TANGO6: variants seen among roughly 807,000 people sequenced by gnomAD.
TANGO6 encodes transport and Golgi organization protein 6 homolog.
In TANGO6, 90 loss-of-function variants were observed where a neutral mutation model predicts 114.2. The observed-to-expected ratio is 0.79, with a 90% CI of 0.66 to 0.94. TANGO6 has a LOEUF of 0.94. Among genes scored for constraint, TANGO6 ranks in the 40% least tolerant of loss-of-function variants. The pLI is 0.00. For synonymous variants in TANGO6, 477 were observed against 509.8 expected (o/e 0.94, Z 0.87); for missense variants, 1,274 against 1,315.3 (o/e 0.97, Z 0.49).
intron 7 of TANGO6, 181 bp from the exon 8 acceptor site, chr16:68,900,253 C>A: frequency 3.4e-6 from 2 of 588,830 alleles, no homozygotes; most frequent in Non-Finnish European, 3.0e-6. Flanking sequence ...CTTGTTTCAG[C>A]CTGTCTGCCA....
intron 9 of TANGO6, among the ~76,000 whole-genome samples, chr16:68,903,868 G>A (rs1286966840): frequency 6.6e-6 from 1 of 151,674 alleles, no homozygotes; most frequent in Non-Finnish European, 1.5e-5. Context: ...GTTGCAGTAA[G>A]CCAAGATTGC....
chr16:69,027,151 C>T (rs912013000), intron 16 of TANGO6, among the ~76,000 whole-genome samples: 4 of 152,286 alleles, frequency 2.6e-5, no homozygotes, highest in East Asian at 1.9e-4. Flanking sequence ...CATGAGCCAC[C>T]GCGCCCGGGC....
intron 15 of TANGO6, among the ~76,000 whole-genome samples, chr16:68,987,029 A>G (rs376260757): frequency 1.3e-5 from 2 of 152,220 alleles, no homozygotes; most frequent in African/African-American, 4.8e-5. Flanking sequence ...GTGAGTTCCA[A>G]TTGGCTTCAC....
chr16:69,035,369 A>G (rs1476367807), intron 16 of TANGO6: 1 of 152,246 alleles, frequency 6.6e-6, no homozygotes, highest in Admixed American at 6.5e-5. Context: ...TAGCAAACCA[A>G]CTGAATTTTA....
intron 14 of TANGO6, among the ~76,000 whole-genome samples, chr16:68,946,833 A>G (rs1254253879): frequency 1.3e-5 from 2 of 152,164 alleles, no homozygotes; most frequent in African/African-American, 4.8e-5. Context: ...CACTTTTGAT[A>G]TCATTTCTAA....
chr16:69,073,993 C>A (rs1960335507), intron 17 of TANGO6, among the ~76,000 whole-genome samples: 2 of 151,406 alleles, frequency 1.3e-5, no homozygotes, highest in Admixed American at 1.3e-4. Flanking sequence ...CGGGTGAGGC[C>A]ACAGAGTCAG....
chr16:69,049,112 C>T (rs1034397805), intron 17 of TANGO6, among the ~76,000 whole-genome samples: 2 of 152,204 alleles, frequency 1.3e-5, no homozygotes, highest in East Asian at 3.9e-4. Flanking sequence ...TAAAATTCAC[C>T]CTTTCAAAGT....
At chr16:68,863,321 A>G (rs891389738) in intron 3 of TANGO6, among the ~76,000 whole-genome samples, 3 of 152,128 alleles carry the variant, frequency 2.0e-5, no homozygotes, top group African/African-American at 4.8e-5. Context: ...ACTTATGGCA[A>G]TTTTGGCTGG....
chr16:68,889,743 T>C (rs978639801), intron 7 of TANGO6, among the ~76,000 whole-genome samples: 9 of 152,248 alleles, frequency 5.9e-5, no homozygotes, highest in Middle Eastern at 3.2e-3. Context: ...TAGGTTGGAA[T>C]CTGGCTCCAA....
chr16:68,932,138 T>G (rs1711299330), intron 14 of TANGO6, among the ~76,000 whole-genome samples: 1 of 152,132 alleles, frequency 6.6e-6, no homozygotes, highest in Admixed American at 6.5e-5. Flanking sequence ...TTGCCCAGAC[T>G]GGAGTGCAAT....
intron 14 of TANGO6, among the ~76,000 whole-genome samples, chr16:68,952,309 C>T (rs566437713): frequency 6.6e-6 from 1 of 152,290 alleles, no homozygotes; most frequent in East Asian, 1.9e-4. Context: ...CCCTTAAATA[C>T]AGCATCCCAC....
At chr16:69,033,234 G>A (rs1959628312) in intron 16 of TANGO6, among the ~76,000 whole-genome samples, 1 of 152,144 alleles carries the variant, frequency 6.6e-6, no homozygotes, top group African/African-American at 2.4e-5. Context: ...TTCTAGGACA[G>A]TTCTTTCAGT....
At chr16:69,001,322 C>A (rs758353353) in intron 15 of TANGO6, among the ~76,000 whole-genome samples, 18 of 152,118 alleles carry the variant, frequency 1.2e-4, no homozygotes, top group Non-Finnish European at 1.9e-4. Flanking sequence ...AAGCATTTAG[C>A]AAACCAAATT....
intron 15 of TANGO6, among the ~76,000 whole-genome samples, chr16:69,012,640 T>G (rs1012124391): frequency 2.0e-5 from 3 of 151,956 alleles, no homozygotes; most frequent in Non-Finnish European, 4.4e-5. Context: ...TAACTTCAGT[T>G]TCATGAGTGC....
chr16:68,973,046 A>G (rs1420458225), intron 14 of TANGO6: 1 of 447,642 alleles, frequency 2.2e-6, no homozygotes, highest in Non-Finnish European at 4.5e-6. Flanking sequence ...GCTCATATTC[A>G]GGGAAGAAGG....
intron 7 of TANGO6, among the ~76,000 whole-genome samples, chr16:68,898,946 CTTATTATTA>C (rs143073228): frequency 3.5e-4 from 51 of 144,976 alleles, no homozygotes; most frequent in Admixed American, 9.8e-4. Context: ...AATTATCTGC[CTTATTATTA>C]TTATTATTAT....
chr16:68,917,024 T>C (rs1416411969), intron 11 of TANGO6, among the ~76,000 whole-genome samples: 1 of 152,182 alleles, frequency 6.6e-6, no homozygotes, highest in Non-Finnish European at 1.5e-5. Flanking sequence ...TCATACAGAA[T>C]AGTTTCACCA....
At chr16:69,017,745 C>G (rs1398407845) in intron 15 of TANGO6, among the ~76,000 whole-genome samples, 1 of 152,182 alleles carries the variant, frequency 6.6e-6, no homozygotes, top group Non-Finnish European at 1.5e-5. Context: ...CCAGGGGTCA[C>G]TCTGCTGGTT....
intron 12 of TANGO6, among the ~76,000 whole-genome samples, chr16:68,924,494 A>C (rs1160445699): frequency 1.3e-5 from 2 of 151,442 alleles, no homozygotes; most frequent in Non-Finnish European, 2.9e-5. Context: ...TCTCAAAAAA[A>C]AAAGGCTCCT....
Sources: allele counts gnomAD v4.1 joint callset (sites outside exome capture counted in the v4.1 genomes callset), GRCh38; gene constraint gnomAD v4.1.1; transcripts MANE v1.5; gene names NCBI Gene and HGNC (gene_info 2026-07-23, HGNC 2026-07-21).